LEPR: variants seen among roughly 807,000 people sequenced by gnomAD.
LEPR encodes the protein leptin receptor.
Under a neutral mutation model 114.7 loss-of-function variants are expected in LEPR, and 56 were observed. The observed-to-expected ratio is 0.49, with a 90% CI of 0.39 to 0.61. The LOEUF (loss-of-function observed/expected upper bound fraction) is 0.61. Among genes scored for constraint, LEPR ranks in the 20% least tolerant of loss-of-function variants. The pLI is 0.00. For missense variants in LEPR, 1,202 were observed against 1,352.9 expected (o/e 0.89, Z 1.75); for synonymous variants, 443 against 461.4 (o/e 0.96, Z 0.51).
Position 65,618,093 on chromosome 1 carries a change from G to T in LEPR, c.2342G>T (p.Gly781Val). The change falls in exon 16 of 20, where the codon GGT becomes GTT. Residue 781 changes from glycine (G) to valine (V), a missense_variant. Physicochemically the swap from Gly to Val is moderately radical, Grantham distance 109. Transcript: ENST00000349533. ...IIEWKNLNED[G>V]EIKWLRISSS... Reference sequence around the variant, plus strand: ...GAGTGGAAAAATCTTAATGAAGATGGTGAAATAAAATGGCTTAGAATCTCT... The same window carrying T: ...GAGTGGAAAAATCTTAATGAAGATGTTGAAATAAAATGGCTTAGAATCTCT... 6.2e-7 allele frequency: 1 copy of T among 1,611,158 alleles called. No individual in the cohort carries two copies.
intron 2 of LEPR, among the ~76,000 whole-genome samples, chr1:65,475,758 G>A (rs1010125258): frequency 1.3e-5 from 2 of 152,140 alleles, no homozygotes; most frequent in Non-Finnish European, 2.9e-5. Context: ...GCTAACACCT[G>A]TAATCCCAGC....
At chr1:65,634,132 C>T in intron 19 of LEPR, 5 of 985,256 alleles carry the variant, frequency 5.1e-6, no homozygotes, top group South Asian at 4.7e-5. Flanking sequence ...ATGAATTCAG[C>T]ACACGAATTA....
chr1:65,432,048 C>T (rs985914988), intron 2 of LEPR: 3 of 1,377,520 alleles, frequency 2.2e-6, no homozygotes, highest in African/African-American at 1.5e-5. Flanking sequence ...ATCATGTTCA[C>T]TTTAAGAAAG....
chr1:65,424,875 A>G (rs936616806), intron 1 of LEPR, among the ~76,000 whole-genome samples: 1 of 152,172 alleles, frequency 6.6e-6, no homozygotes, highest in Non-Finnish European at 1.5e-5. Context: ...ATTATCTCCC[A>G]AAGGTCCACC....
intron 2 of LEPR, among the ~76,000 whole-genome samples, chr1:65,550,352 G>C (rs1161575545): frequency 6.6e-6 from 1 of 152,208 alleles, no homozygotes; most frequent in Admixed American, 6.5e-5. Context: ...AACGCTGTCA[G>C]ACAGGAACAT....
chr1:65,627,706 C>G (rs1658300981), intron 19 of LEPR, among the ~76,000 whole-genome samples: 1 of 151,950 alleles, frequency 6.6e-6, no homozygotes, highest in Non-Finnish European at 1.5e-5. Context: ...GAAAGTAACC[C>G]AAATGATGAA....
At chr1:65,507,332 T>A (rs891248050) in intron 2 of LEPR, among the ~76,000 whole-genome samples, 2 of 152,018 alleles carry the variant, frequency 1.3e-5, no homozygotes, top group African/African-American at 4.8e-5. Flanking sequence ...ATGATAGGTG[T>A]GAGCCACCAT....
At chr1:65,478,622 T>G (rs188960580) in intron 2 of LEPR, among the ~76,000 whole-genome samples, 13 of 152,246 alleles carry the variant, frequency 8.5e-5, no homozygotes, top group African/African-American at 3.1e-4. Flanking sequence ...TTGATCTTAG[T>G]GGGTACTTAA....
intron 2 of LEPR, among the ~76,000 whole-genome samples, chr1:65,429,607 A>C (rs899887975): frequency 6.6e-6 from 1 of 152,210 alleles, no homozygotes; most frequent in African/African-American, 2.4e-5. Context: ...AGTGGTACAG[A>C]AAACAGTAAA....
At chr1:65,584,979 T>C (rs1388400669) in intron 5 of LEPR, among the ~76,000 whole-genome samples, 1 of 152,062 alleles carries the variant, frequency 6.6e-6, no homozygotes, top group Non-Finnish European at 1.5e-5. Context: ...TTACTTGGCA[T>C]TCAATAGGTC....
At chr1:65,581,080 C>T (rs1439016964) in intron 5 of LEPR, among the ~76,000 whole-genome samples, 1 of 152,166 alleles carries the variant, frequency 6.6e-6, no homozygotes, top group Non-Finnish European at 1.5e-5. Flanking sequence ...ATGATTTCAG[C>T]ATCCATGTGA....
intron 11 of LEPR, among the ~76,000 whole-genome samples, chr1:65,608,014 G>T (rs1025441658): frequency 2.0e-5 from 3 of 151,990 alleles, no homozygotes; most frequent in African/African-American, 7.3e-5. Flanking sequence ...CCCATTAAAA[G>T]CCTGTTTTCC....
intron 2 of LEPR, among the ~76,000 whole-genome samples, chr1:65,538,942 A>AT (rs796734919): frequency 2.5e-4 from 36 of 145,750 alleles, no homozygotes; most frequent in African/African-American, 7.3e-4. Context: ...ATTTTCTTGT[A>AT]TTTTTTTTGT....
chr1:65,551,977 C>T (rs1652412241), intron 2 of LEPR, among the ~76,000 whole-genome samples: 1 of 152,148 alleles, frequency 6.6e-6, no homozygotes, highest in African/African-American at 2.4e-5. Flanking sequence ...AGTAGTCATT[C>T]AGGAGCAGGT....
chr1:65,546,375 TTG>T, intron 2 of LEPR, among the ~76,000 whole-genome samples: 1 of 152,220 alleles, frequency 6.6e-6, no homozygotes, highest in South Asian at 2.1e-4. Context: ...GCGGATGGCA[TTG>T]AATCTATAAA....
chr1:65,449,811 C>T (rs1646759219), intron 2 of LEPR, among the ~76,000 whole-genome samples: 1 of 144,934 alleles, frequency 6.9e-6, no homozygotes, highest in Non-Finnish European at 1.5e-5. Context: ...TTAATTTGTT[C>T]CTCTTTTTTC....
rs112899977 is a variant in LEPR, at chr1:65,604,681, C to T, written c.1404-357C>T. On this transcript the variant is annotated intron_variant, in intron 10 of 19. Coordinates refer to ENST00000349533, the MANE Select transcript of LEPR (RefSeq NM_002303.6). ...GCCACGGACCGGTACCTGTCTGTGG[C>T]CTCTTAGGAACCCGGCCACAAAGCG... 1.4e-4 allele frequency among the ~76,000 whole-genome samples: 22 copies of T among 152,288 alleles called. 4 individuals are homozygous for T. The highest frequency in any genetic ancestry group is 5.1e-4 in the African/African-American group (21 of 41,548).
chr1:65,638,333 T>G lies in LEPR; in HGVS notation c.*1318T>G, dbSNP rs1050677633. ...AACAACTTAAGATTAATACATAAGT[T>G]TATTATTTATTCAACTTTTGGTACG... On this transcript the variant is annotated 3_prime_UTR_variant, in exon 20 of 20. Transcript: ENST00000349533. 2 of 152,210 alleles carry G rather than the reference T, an allele frequency of 1.3e-5. No individual in the cohort carries two copies. The highest frequency in any genetic ancestry group is 2.9e-5 in the Non-Finnish European group (2 of 68,042). The allele number at this position is 152,210 out of a possible 1,614,324, so 9.4% of individuals were successfully genotyped here.
At chr1:65,551,875 A>G (rs1454690804) in intron 2 of LEPR, among the ~76,000 whole-genome samples, 2 of 152,204 alleles carry the variant, frequency 1.3e-5, no homozygotes, top group South Asian at 2.1e-4. Context: ...ACACCGCTTT[A>G]TATATGTCCC....
Sources: allele counts gnomAD v4.1 joint callset (sites outside exome capture counted in the v4.1 genomes callset), GRCh38; gene constraint gnomAD v4.1.1; transcripts MANE v1.5; gene names NCBI Gene and HGNC (gene_info 2026-07-23, HGNC 2026-07-21).